Variants in ARID1A observed in about 807,000 individuals in gnomAD.
The protein encoded by ARID1A is AT-rich interactive domain-containing protein 1A.
In ARID1A, 20 loss-of-function variants were observed where a neutral mutation model predicts 212.6. The ratio of observed to expected loss-of-function variants is 0.09; its 90% confidence interval spans 0.07 to 0.14. ARID1A has a LOEUF of 0.14. Among genes scored for constraint, ARID1A ranks in the 10% least tolerant of loss-of-function variants. ARID1A has a pLI of 1.00. For synonymous variants in ARID1A, 1,376 were observed against 1,222.1 expected (o/e 1.13, Z -2.63); for missense variants, 2,587 against 3,059.0 (o/e 0.85, Z 3.64).
chr1:26,771,057 G>A lies in ARID1A; in HGVS notation c.3199-62G>A, dbSNP rs1006032537. ...TACCTTACAGCCTGATGGGGCTTGG[G>A]GCTTATGGGCAGGAAAACCAGGCGG... On this transcript the variant is annotated intron_variant, in intron 11 of 19. Transcript: ENST00000324856. This position sits in a 1 kb window ranked among gnomAD's most constrained non-coding sequence, Gnocchi z 5.4. 4.1e-5 allele frequency: 60 copies of A among 1,480,914 alleles called. No individual in the cohort carries two copies. Among genetic ancestry groups the A allele is most frequent in the Admixed American group, 6.7e-5 (4 of 59,484 alleles). 91.7% of individuals were successfully genotyped at this position (1,480,914 alleles called of 1,614,324 possible).
Position 26,781,265 on chromosome 1 carries a change from A to AGAAGTTCGCAGTTGTGAACAGAC in ARID1A, c.*510_*532dup. ...TACATTCACAATCTTGCAGGAGCCA[A>AGAAGTTCGCAGTTGTGAACAGAC]GAAGTTCGCAGTTGTGAACAGACCC... On this transcript the variant is annotated 3_prime_UTR_variant, in exon 20 of 20. Transcript: ENST00000324856. 1 of 236,128 alleles carries AGAAGTTCGCAGTTGTGAACAGAC rather than the reference A, an allele frequency of 4.2e-6. No homozygotes were observed. The highest frequency in any genetic ancestry group is 1.8e-4 in the South Asian group (1 of 5,684). 14.6% of individuals were successfully genotyped at this position (236,128 alleles called of 1,614,324 possible).
rs2124788956 is a variant in ARID1A at position 26,731,363 on chromosome 1, A to G, written c.1562A>G (p.Gln521Arg). 1 of 1,613,834 alleles carries G rather than the reference A, an allele frequency of 6.2e-7. No individual in the cohort carries two copies. Among genetic ancestry groups the G allele is most frequent in the Non-Finnish European group, 8.5e-7 (1 of 1,179,938 alleles). The change falls in exon 3 of 20, where the codon CAG (glutamine) becomes CGG (arginine). Residue 521 changes from glutamine to arginine, a missense_variant. Around this residue, in one of 11 missense-constraint regions of ARID1A, gnomAD observed 674 missense variants for 813.4 expected, o/e 0.83. Coordinates refer to ENST00000324856, the MANE Select transcript of ARID1A (RefSeq NM_006015.6). Reference sequence around the variant, plus strand: ...TCCTCTCAGCCTCCATACTCCCAGCAGCCATCCCAGCCTCCACATCAGCAG... The same window carrying G: ...TCCTCTCAGCCTCCATACTCCCAGCGGCCATCCCAGCCTCCACATCAGCAG... ...LQSSQPPYSQQPSQPPHQQSP... is the reference protein window; with the variant it reads ...LQSSQPPYSQRPSQPPHQQSP...
rs1207033512 is a variant in ARID1A at position 26,766,467 on chromosome 1, C to G, written c.2889C>G (p.Ala963=). The G allele has an allele frequency of 6.2e-7, 1 of 1,614,014 alleles. No individual in the cohort carries two copies. Among genetic ancestry groups the G allele is most frequent in the South Asian group, 1.1e-5 (1 of 91,080 alleles). ...TTTTCTCTTTTACAGGGATGGCAGCCAGCCCAGAGATGATGGGCCTTGGGG... is the reference window on the plus strand; with the variant it reads ...TTTTCTCTTTTACAGGGATGGCAGCGAGCCCAGAGATGATGGGCCTTGGGG... ...TMANNSAGMA[A]SPEMMGLGDV... is the part of the protein sequence containing the mutation. Residue 963 remains alanine (A), a synonymous_variant, in exon 10 of 20, where the codon GCC becomes GCG. Coordinates refer to ENST00000324856, the MANE Select transcript of ARID1A (RefSeq NM_006015.6).
intron 4 of ARID1A, among the ~76,000 whole-genome samples, chr1:26,752,427 AAAG>A (rs1428288515): frequency 1.3e-5 from 2 of 152,210 alleles, no homozygotes; most frequent in African/African-American, 4.8e-5. Context: ...AAGGAGAAAA[AAAG>A]AACTTATGAC....
At chr1:26,762,112 G>A (rs752894149) in intron 6 of ARID1A, 40 bp from the exon 7 acceptor site, 1 of 1,574,336 alleles carries the variant, frequency 6.4e-7, no homozygotes, top group Non-Finnish European at 8.6e-7. Flanking sequence ...TGTTCGCATT[G>A]TATAAAGCTA....
At position 26,698,975 on chromosome 1, in the gene ARID1A, T is replaced by G. The variant is rs532399969; in HGVS notation, c.1137+1435T>G. 2.0e-5 allele frequency among the ~76,000 whole-genome samples: 3 copies of G among 152,336 alleles called. No homozygotes were observed. In the East Asian group the frequency reaches 5.8e-4, roughly 29 times the overall value. On this transcript the variant is annotated intron_variant, in intron 1 of 19. Transcript: ENST00000324856. ...ACACTTTCTTTTGTTAATTGAACTT[T>G]GGAATAGCAGCTTAATTTAAAGGGA... is the stretch of plus-strand genomic sequence containing the variant.
At chr1:26,760,623 A>G (rs540185795) in intron 4 of ARID1A, among the ~76,000 whole-genome samples, 1 of 152,008 alleles carries the variant, frequency 6.6e-6, no homozygotes, top group African/African-American at 2.4e-5. Context: ...CAGGAGTCAG[A>G]GGTTGCGATG....
chr1:26,732,567 A>G (rs2080689745), intron 3 of ARID1A, 109 bp from the exon 4 acceptor site: 1 of 845,144 alleles, frequency 1.2e-6, no homozygotes, highest in Non-Finnish European at 1.9e-6. Flanking sequence ...TCGCAACTGG[A>G]CTTTCTCTCA....
chr1:26,731,135 A>AT lies in ARID1A; in HGVS notation c.1351-13dup, dbSNP rs1253272323. The AT allele has an allele frequency of 6.2e-7, 1 of 1,607,168 alleles. No individual in the cohort carries two copies. Among genetic ancestry groups the AT allele is most frequent in the African/African-American group, 1.3e-5 (1 of 74,604 alleles). On this transcript the variant is annotated splice_polypyrimidine_tract_variant and intron_variant, in intron 2 of 19. Coordinates refer to ENST00000324856, the MANE Select transcript of ARID1A (RefSeq NM_006015.6). ...GCAGGAGAGTCAGTGCTAAAAGTAT[A>AT]TTTTCCTTTCCTACAGATTCCTCCT...
intron 4 of ARID1A, among the ~76,000 whole-genome samples, chr1:26,746,406 C>T (rs182867762): frequency 3.3e-5 from 5 of 152,284 alleles, no homozygotes; most frequent in African/African-American, 9.6e-5. Flanking sequence ...TCCAGAAAAC[C>T]AGCCCCCAGA....
chr1:26,765,517 C>G (rs1254371621), intron 8 of ARID1A: 1 of 150,686 alleles, frequency 6.6e-6, no homozygotes, highest in Non-Finnish European at 1.5e-5. Flanking sequence ...CTATTGTTTG[C>G]TATCTAGAGC....
intron 1 of ARID1A, 152 bp downstream of exon 1, chr1:26,697,692 GCTGC>G: frequency 1.2e-6 from 1 of 810,086 alleles, no homozygotes; most frequent in Non-Finnish European, 1.7e-6. Flanking sequence ...TCTTAAAATG[GCTGC>G]CTGTCTGCCT....
intron 8 of ARID1A, among the ~76,000 whole-genome samples, chr1:26,763,951 G>A (rs1351928497): frequency 2.6e-5 from 4 of 151,970 alleles, no homozygotes; most frequent in Admixed American, 6.6e-5. Context: ...ACCACACCCA[G>A]CTAATTTTTT....
In ARID1A at chr1:26,763,188, G is replaced by T. The variant is rs930078026; in HGVS notation, c.2635G>T (p.Val879Phe). ...GPNMANMPPQVGSGMCPPPGG... is the reference protein window; with the variant it reads ...GPNMANMPPQFGSGMCPPPGG... ...TAACATGGCCAATATGCCACCTCAGGTTGGGTCAGGGATGTGTCCCCCACC... is the reference window on the plus strand; with the variant it reads ...TAACATGGCCAATATGCCACCTCAGTTTGGGTCAGGGATGTGTCCCCCACC... The change falls in exon 8 of 20, where the codon GTT becomes TTT. Residue 879 changes from valine to phenylalanine, a missense_variant. This residue lies in a region of ARID1A where 674 missense variants were observed against 813.4 expected (regional missense o/e 0.83). Coordinates refer to ENST00000324856, the MANE Select transcript of ARID1A (RefSeq NM_006015.6). The T allele has an allele frequency of 1.2e-6, 2 of 1,614,170 alleles. No homozygotes were observed. Among genetic ancestry groups the T allele is most frequent in the Non-Finnish European group, 1.7e-6 (2 of 1,180,064 alleles).
At chr1:26,699,399 C>T (rs1414508396) in intron 1 of ARID1A, among the ~76,000 whole-genome samples, 1 of 152,186 alleles carries the variant, frequency 6.6e-6, no homozygotes, top group East Asian at 1.9e-4. Flanking sequence ...CCATTCATCC[C>T]CTCCCAAACC....
rs962845778 is a variant in ARID1A, at chr1:26,771,421, A to G, written c.3406+95A>G. 5 of 1,327,268 alleles carry G rather than the reference A, an allele frequency of 3.8e-6. No homozygotes were observed. Among genetic ancestry groups the G allele is most frequent in the African/African-American group, 1.5e-5 (1 of 68,216 alleles). The allele number at this position is 1,327,268 out of a possible 1,614,324, so 82.2% of individuals were successfully genotyped here. On this transcript the variant is annotated intron_variant, in intron 12 of 19. Coordinates refer to ENST00000324856, the MANE Select transcript of ARID1A (RefSeq NM_006015.6). This position sits in a 1 kb window ranked among gnomAD's most constrained non-coding sequence, Gnocchi z 5.4. Reference sequence around the variant, plus strand: ...GAATAAGAGGCTTATCCAACAGGATATGCCAAGGATCTGTGCTCTGCCTTG... The same window carrying G: ...GAATAAGAGGCTTATCCAACAGGATGTGCCAAGGATCTGTGCTCTGCCTTG...
intron 8 of ARID1A, 104 bp downstream of exon 8, chr1:26,763,389 G>C: frequency 7.6e-7 from 1 of 1,308,536 alleles, no homozygotes; most frequent in East Asian, 2.5e-5. Context: ...GGGAAAATGG[G>C]TGTGTGTGTA....
intron 4 of ARID1A, among the ~76,000 whole-genome samples, chr1:26,746,848 A>G (rs1570589925): frequency 6.6e-6 from 1 of 152,310 alleles, no homozygotes; most frequent in East Asian, 1.9e-4. Context: ...GCTGGCCAAT[A>G]TGGTAAAACC....
Position 26,781,677 on chromosome 1 carries a change from A to G in ARID1A, c.*921A>G, listed in dbSNP as rs1414093032. ...CCACAGTTTGGTCCTCCTCCCAGCT[A>G]CCCCTTTATAGTATGACGAGTTAAC... On this transcript the variant is annotated 3_prime_UTR_variant, in exon 20 of 20. Coordinates refer to ENST00000324856, the MANE Select transcript of ARID1A (RefSeq NM_006015.6). The G allele has an allele frequency of 4.3e-6, 1 of 233,514 alleles. No individual in the cohort carries two copies. Among genetic ancestry groups the G allele is most frequent in the Admixed American group, 5.6e-5 (1 of 17,762 alleles). The allele number at this position is 233,514 out of a possible 1,614,324, so 14.5% of individuals were successfully genotyped here. A position where few individuals can be genotyped will look rare whatever the true frequency, so the allele number is the denominator to read the frequency against.
Sources: gnomAD v4.1 joint callset for allele counts (sites outside exome capture counted in the v4.1 genomes callset) on GRCh38, gnomAD v4.1.1 for gene constraint, gnomAD v4.1.1 regional missense constraint, Gnocchi (gnomAD v3.1) non-coding constraint, MANE v1.5 for transcripts, NCBI Gene and HGNC (gene_info 2026-07-23, HGNC 2026-07-21) for gene names.